Variants in NAV1 observed in about 807,000 individuals in gnomAD.
NAV1 encodes pore membrane and/or filament interacting like protein 3.
In NAV1, 18 loss-of-function variants were observed where a neutral mutation model predicts 175.2. The observed-to-expected ratio is 0.10, with a 90% CI of 0.07 to 0.15. NAV1 has a LOEUF of 0.15. NAV1 is among the 10% of genes least tolerant of loss of function. The probability of loss-of-function intolerance (pLI) is 1.00; values close to 1 mark genes in which losing one functional copy is unlikely to be tolerated. For missense variants in NAV1, 1,731 were observed against 2,436.6 expected (o/e 0.71, Z 6.10); for synonymous variants, 897 against 978.7 (o/e 0.92, Z 1.56).
rs114431880 is a variant in NAV1, at chr1:201,743,319, C to T, written c.1226+24564C>T. On this transcript the variant is annotated intron_variant, in intron 3 of 29. Coordinates refer to ENST00000367296, the Ensembl canonical transcript of NAV1. ...TCAGCAAAGGTTTAGAGTTGGCCTGCGACTTTAGTTGGAATGAGGTGAAAA... is the reference window on the plus strand; with the variant it reads ...TCAGCAAAGGTTTAGAGTTGGCCTGTGACTTTAGTTGGAATGAGGTGAAAA... Among the ~76,000 whole-genome samples the T allele has an allele frequency of 1.2e-3, 177 of 152,274 alleles. 1 individual carries two copies. Among genetic ancestry groups the T allele is most frequent in the African/African-American group, 3.8e-3 (159 of 41,538 alleles).
At chr1:201,597,771 T>C (rs1314257276) in intron 2 of NAV1, among the ~76,000 whole-genome samples, 1 of 152,230 alleles carries the variant, frequency 6.6e-6, no homozygotes, top group Non-Finnish European at 1.5e-5. Context: ...CTGGTCTGTT[T>C]CCTTGGCAGC....
At chr1:201,760,400 T>C (rs985828052) in intron 3 of NAV1, among the ~76,000 whole-genome samples, 1 of 152,280 alleles carries the variant, frequency 6.6e-6, no homozygotes, top group African/African-American at 2.4e-5. Flanking sequence ...TAAAAGTTTA[T>C]ATAACCTGGA....
At chr1:201,710,199 G>A (rs659916) in intron 1 of NAV1, among the ~76,000 whole-genome samples, 53,953 of 149,668 alleles carry the variant, frequency 0.36, 9,852 homozygotes, top group Middle Eastern at 0.43. Flanking sequence ...AACGTGACAT[G>A]TATGTATCCC....
chr1:201,808,283 G>A lies in NAV1; in HGVS notation c.3845+134G>A. 2 of 1,387,242 alleles carry A rather than the reference G, an allele frequency of 1.4e-6. No individual in the cohort carries two copies. The highest frequency in any genetic ancestry group is 2.2e-5 in the Admixed American group (1 of 44,932). 85.9% of individuals were successfully genotyped at this position (1,387,242 alleles called of 1,614,324 possible). ...TCTCCCTGGGCATATGAGACCAACA[G>A]ATGGACCTTTCTTCTCATGCTGATT... On this transcript the variant is annotated intron_variant, in intron 18 of 29. Transcript: ENST00000367296. The surrounding 1 kb of genome is among the most constrained non-coding windows in gnomAD (Gnocchi z 5.5).
intron 2 of NAV1, among the ~76,000 whole-genome samples, chr1:201,632,430 C>T (rs1668503440): frequency 6.6e-6 from 1 of 152,192 alleles, no homozygotes; most frequent in Non-Finnish European, 1.5e-5. Context: ...TGGTGACAGC[C>T]CAGCACTGGT....
rs527537532 is a variant in NAV1, at chr1:201,555,011, C to G, written c.-144+15669C>G. Among the ~76,000 whole-genome samples, 9 of 152,282 alleles carry G rather than the reference C, an allele frequency of 5.9e-5. No homozygotes were observed. In the East Asian group the frequency reaches 1.7e-3, roughly 29 times the overall value. On this transcript the variant is annotated intron_variant, in intron 1 of 33. Transcript: ENST00000685211. ...CTTCACCGCTGCATGGCCATCTCCT[C>G]CCTGTGGCCTTCACATCCTCTTCCC... is the stretch of plus-strand genomic sequence containing the variant.
chr1:201,780,626 G>C, intron 4 of NAV1, 67 bp downstream of exon 8: 2 of 1,601,370 alleles, frequency 1.2e-6, no homozygotes, highest in Non-Finnish European at 1.7e-6. Flanking sequence ...GGCATTATCT[G>C]TGTATGGGGT....
chr1:201,641,984 CTCTT>C (rs1303523886), intron 2 of NAV1, among the ~76,000 whole-genome samples: 1 of 147,012 alleles, frequency 6.8e-6, no homozygotes, highest in Non-Finnish European at 1.5e-5. Flanking sequence ...CTCTCTTTTT[CTCTT>C]TCTTCCCTTT....
rs372202982 is a variant in NAV1, at chr1:201,718,358, G to T, written c.861-32G>T. The T allele has an allele frequency of 1.2e-5, 18 of 1,509,276 alleles. No homozygotes were observed. The highest frequency in any genetic ancestry group is 1.5e-5 in the Non-Finnish European group (17 of 1,126,882). The allele number at this position is 1,509,276 out of a possible 1,614,324, so 93.5% of individuals were successfully genotyped here. On this transcript the variant is annotated intron_variant, in intron 2 of 29. Coordinates refer to ENST00000367296, the Ensembl canonical transcript of NAV1. This position sits in a 1 kb window ranked among gnomAD's most constrained non-coding sequence, Gnocchi z 4.8. Reference sequence around the variant, plus strand: ...ACAGGGCACACGGCGGCTGTGCCAAGGACTAAGTAGTGCCTTCTGCTCTCC... The same window carrying T: ...ACAGGGCACACGGCGGCTGTGCCAATGACTAAGTAGTGCCTTCTGCTCTCC...
intron 15 of NAV1, among the ~76,000 whole-genome samples, chr1:201,798,879 T>C (rs1279489622): frequency 6.6e-6 from 1 of 151,620 alleles, no homozygotes; most frequent in Non-Finnish European, 1.5e-5. Flanking sequence ...ATTTTTGTAT[T>C]TTTAGTAGAG....
At chr1:201,783,640 T>C in exon 7 of NAV1, 1 of 1,614,024 alleles carries the variant, frequency 6.2e-7, no homozygotes, top group South Asian at 1.1e-5. Flanking sequence ...AGCTAATGAG[T>C]GGTTTCAGTG....
At chr1:201,644,947 C>T (rs1668925317), upstream of NAV1, among the ~76,000 whole-genome samples, 2 of 152,102 alleles carry the variant, frequency 1.3e-5, no homozygotes, top group African/African-American at 4.8e-5. Context: ...GAAGATCTGG[C>T]CCTGGGGAGG....
At chr1:201,811,100 A>T (rs1678666336) in intron 24 of NAV1, among the ~76,000 whole-genome samples, 1 of 150,710 alleles carries the variant, frequency 6.6e-6, no homozygotes. Flanking sequence ...TTTCTACCCC[A>T]CTGTCTGCCA....
At chr1:201,567,302 A>T (rs541154504) in intron 1 of NAV1, among the ~76,000 whole-genome samples, 2 of 152,126 alleles carry the variant, frequency 1.3e-5, no homozygotes, top group South Asian at 4.2e-4. Context: ...GTTTTTTCTG[A>T]TGGGGCTGTC....
At chr1:201,590,895 G>A (rs184921338) in intron 2 of NAV1, among the ~76,000 whole-genome samples, 1 of 152,200 alleles carries the variant, frequency 6.6e-6, no homozygotes, top group Non-Finnish European at 1.5e-5. Context: ...ACTGAGGATC[G>A]CAGACAGTGA....
Position 201,808,698 on chromosome 1 carries a change from C to T in NAV1, c.4039-5C>T, listed in dbSNP as rs1678481712. ...GCCACCCTACCCTGTCTGTTCTTGC[C>T]ACAGTTGGAGGTGGACCTGCTGAAA... On this transcript the variant is annotated splice_polypyrimidine_tract_variant and splice_region_variant and intron_variant, in intron 19 of 29. Transcript: ENST00000367296. The surrounding 1 kb of genome is among the most constrained non-coding windows in gnomAD (Gnocchi z 5.5). 1 of 1,614,082 alleles carries T rather than the reference C, an allele frequency of 6.2e-7. No homozygotes were observed. The highest frequency in any genetic ancestry group is 8.5e-7 in the Non-Finnish European group (1 of 1,180,032).
chr1:201,622,790 A>C (rs1248115160), upstream of NAV1: 84 of 978,440 alleles, frequency 8.6e-5, 3 homozygotes, highest in South Asian at 1.9e-3. Flanking sequence ...CTCTTTCTAC[A>C]CTCAAGGATG....
Position 201,718,241 on chromosome 1 carries a change from G to A in NAV1, c.861-149G>A. ...TCACAAAGGTAACACACAACCAGAG[G>A]CCTCATGGAGGAGGTGGAGCTTGGG... On this transcript the variant is annotated intron_variant, in intron 2 of 29. Coordinates refer to ENST00000367296, the Ensembl canonical transcript of NAV1. This position sits in a 1 kb window ranked among gnomAD's most constrained non-coding sequence, Gnocchi z 4.8. The A allele has an allele frequency of 1.5e-6, 1 of 677,866 alleles. No homozygotes were observed. The highest frequency in any genetic ancestry group is 2.3e-6 in the Non-Finnish European group (1 of 439,200). 42.0% of individuals were successfully genotyped at this position (677,866 alleles called of 1,614,324 possible).
At chr1:201,550,858 G>A (rs1665832973) in intron 1 of NAV1, among the ~76,000 whole-genome samples, 1 of 152,220 alleles carries the variant, frequency 6.6e-6, no homozygotes, top group South Asian at 2.1e-4. Flanking sequence ...CACCACTCTG[G>A]AGCAGTCACC....
Sources: gnomAD v4.1 joint callset for allele counts (sites outside exome capture counted in the v4.1 genomes callset) on GRCh38, gnomAD v4.1.1 for gene constraint, Gnocchi (gnomAD v3.1) non-coding constraint, MANE v1.5 for transcripts, NCBI Gene and HGNC (gene_info 2026-07-23, HGNC 2026-07-21) for gene names.